Variants in KIF16B observed in about 807,000 individuals in gnomAD.
The protein encoded by KIF16B is kinesin family member 16B.
A neutral mutation model predicts 156.3 loss-of-function variants in KIF16B; 98 were observed. That is an observed-to-expected ratio of 0.63 (90% CI 0.53 to 0.74). The LOEUF is 0.74. Ranked by LOEUF, KIF16B falls within the 30% of genes least tolerant of loss-of-function variation. The pLI is 0.00. For synonymous variants in KIF16B, 564 were observed against 583.7 expected, an observed-to-expected ratio of 0.97 and a Z score of 0.49; for missense variants, 1,421 against 1,606.5, an observed-to-expected ratio of 0.88 and a Z score of 1.97.
At chr20:16,430,477 T>C (rs2066468446) in intron 12 of KIF16B, among the ~76,000 whole-genome samples, 1 of 152,110 alleles carries the variant, frequency 6.6e-6, no homozygotes, top group Non-Finnish European at 1.5e-5. Flanking sequence ...CATTCCCTGC[T>C]ATACATTAAT....
intron 10 of KIF16B, among the ~76,000 whole-genome samples, chr20:16,500,079 T>C (rs2068573777): frequency 6.6e-6 from 1 of 152,158 alleles, no homozygotes; most frequent in Non-Finnish European, 1.5e-5. Flanking sequence ...AATTTTGTTC[T>C]TTGCCCAACA....
chr20:16,423,478 G>C (rs1035353939), intron 15 of KIF16B, among the ~76,000 whole-genome samples: 3 of 152,102 alleles, frequency 2.0e-5, no homozygotes, highest in Non-Finnish European at 2.9e-5. Flanking sequence ...TCAATCAGGG[G>C]AAAACACATG....
intron 17 of KIF16B, among the ~76,000 whole-genome samples, chr20:16,392,137 T>C (rs1338198940): frequency 1.3e-5 from 2 of 152,198 alleles, no homozygotes; most frequent in Non-Finnish European, 2.9e-5. Context: ...CTTTATTTTG[T>C]TCCCAGCCCT....
chr20:16,420,937 A>G (rs1353232733), intron 15 of KIF16B, among the ~76,000 whole-genome samples: 1 of 152,168 alleles, frequency 6.6e-6, no homozygotes, highest in Non-Finnish European at 1.5e-5. Flanking sequence ...GAAATAGCAC[A>G]CACATTAAGT....
At chr20:16,276,808 A>C (rs1235369835) in intron 25 of KIF16B, among the ~76,000 whole-genome samples, 2 of 152,226 alleles carry the variant, frequency 1.3e-5, no homozygotes, top group Admixed American at 6.5e-5. Context: ...TCATCCCTGG[A>C]ACACTGCCAA....
At chr20:16,314,013 A>G (rs1038273926) in intron 24 of KIF16B, among the ~76,000 whole-genome samples, 5 of 152,164 alleles carry the variant, frequency 3.3e-5, no homozygotes. Context: ...GAAACTATCA[A>G]ATGGTTTCCA....
chr20:16,304,495 T>C (rs1210942928), intron 25 of KIF16B, among the ~76,000 whole-genome samples: 1 of 152,184 alleles, frequency 6.6e-6, no homozygotes, highest in Non-Finnish European at 1.5e-5. Context: ...AAAAATGCTT[T>C]GCTGCTGATG....
intron 10 of KIF16B, among the ~76,000 whole-genome samples, chr20:16,499,136 T>A (rs1238118360): frequency 2.0e-5 from 3 of 152,096 alleles, no homozygotes; most frequent in East Asian, 3.9e-4. Context: ...GAGATTCACA[T>A]AGGCGTCTGT....
intron 25 of KIF16B, among the ~76,000 whole-genome samples, chr20:16,294,763 G>C (rs1456172280): frequency 6.6e-6 from 1 of 152,186 alleles, no homozygotes; most frequent in Non-Finnish European, 1.5e-5. Context: ...CACAGCGTAT[G>C]TCAGCCTGTG....
chr20:16,395,472 G>T (rs2065478417), intron 17 of KIF16B, among the ~76,000 whole-genome samples: 1 of 152,102 alleles, frequency 6.6e-6, no homozygotes, highest in Non-Finnish European at 1.5e-5. Context: ...GTTGTCATCT[G>T]GGGAGAAGCC....
intron 23 of KIF16B, among the ~76,000 whole-genome samples, chr20:16,339,824 A>C (rs2064109207): frequency 6.6e-6 from 1 of 152,012 alleles, no homozygotes; most frequent in Non-Finnish European, 1.5e-5. Flanking sequence ...CACTATCTCC[A>C]CTGTTCATAT....
At chr20:16,514,885 C>CAAAAAAAAAAAAAAAAAAAAA (rs10564862) in intron 4 of KIF16B, among the ~76,000 whole-genome samples, 3 of 60,780 alleles carry the variant, frequency 4.9e-5, no homozygotes, top group African/African-American at 1.5e-4. Context: ...GATTCCATCT[C>CAAAAAAAAAAAAAAAAAAAAA]AAAAAAAAAA....
At chr20:16,397,036 A>T (rs75511873) in intron 17 of KIF16B, among the ~76,000 whole-genome samples, 1,850 of 152,334 alleles carry the variant, frequency 0.012, 41 homozygotes, top group African/African-American at 0.042. Context: ...CAAGACTGAA[A>T]TGAGCTTGGA....
At chr20:16,275,701 A>G (rs1208846466) in intron 25 of KIF16B, among the ~76,000 whole-genome samples, 5 of 152,228 alleles carry the variant, frequency 3.3e-5, no homozygotes, top group Admixed American at 6.5e-5. Context: ...AGGTATTGGT[A>G]AGAAGTTATG....
chr20:16,418,593 C>G (rs938695625), intron 15 of KIF16B, among the ~76,000 whole-genome samples: 1 of 152,108 alleles, frequency 6.6e-6, no homozygotes, highest in African/African-American at 2.4e-5. Context: ...AAACCATCGA[C>G]CATGGAGTGG....
At chr20:16,443,315 G>A (rs1044442464) in intron 12 of KIF16B, among the ~76,000 whole-genome samples, 2 of 152,170 alleles carry the variant, frequency 1.3e-5, no homozygotes, top group Non-Finnish European at 2.9e-5. Context: ...GGTACAGAAG[G>A]GAGTTTCTTC....
chr20:16,433,724 T>C (rs2066568849), intron 12 of KIF16B, among the ~76,000 whole-genome samples: 2 of 152,166 alleles, frequency 1.3e-5, no homozygotes, highest in Non-Finnish European at 2.9e-5. Flanking sequence ...TGATTAATGC[T>C]GCCCTAAAGC....
chr20:16,411,337 A>G (rs1310116648), intron 15 of KIF16B, among the ~76,000 whole-genome samples: 5 of 152,004 alleles, frequency 3.3e-5, no homozygotes, highest in Non-Finnish European at 7.4e-5. Context: ...TATTACTTTG[A>G]GCATAGAACT....
At chr20:16,480,818 T>TA (rs141410586) in intron 12 of KIF16B, among the ~76,000 whole-genome samples, 2,989 of 152,344 alleles carry the variant, frequency 0.02, 100 homozygotes, top group African/African-American at 0.069. Context: ...AGTTTTTTTT[T>TA]AATTCTGTGA....
Sources: allele counts gnomAD v4.1 joint callset (sites outside exome capture counted in the v4.1 genomes callset), GRCh38; gene constraint gnomAD v4.1.1; transcripts MANE v1.5; gene names NCBI Gene and HGNC (gene_info 2026-07-23, HGNC 2026-07-21).